Variants in EPHA5 observed in about 807,000 individuals in gnomAD.
The protein encoded by EPHA5 is EPH receptor A5.
EPHA5 carries 60 observed loss-of-function variants against 105.0 expected under a neutral mutation model. The ratio of observed to expected loss-of-function variants is 0.57; its 90% confidence interval spans 0.46 to 0.71. The LOEUF (loss-of-function observed/expected upper bound fraction) is 0.71, where lower values mean the gene tolerates loss of function less well. EPHA5 is among the 30% of genes least tolerant of loss of function. The pLI is 0.00. For synonymous variants in EPHA5, 513 were observed against 449.1 expected (o/e 1.14, Z -1.80); for missense variants, 1,218 against 1,274.7 (o/e 0.96, Z 0.68).
intron 8 of EPHA5, among the ~76,000 whole-genome samples, chr4:65,383,532 A>G (rs1719781832): frequency 6.6e-6 from 1 of 151,950 alleles, no homozygotes; most frequent in South Asian, 2.1e-4. Flanking sequence ...TATCTTTGGC[A>G]AGAACATTAT....
chr4:65,384,284 A>G (rs947672813), intron 8 of EPHA5, among the ~76,000 whole-genome samples: 3 of 152,070 alleles, frequency 2.0e-5, no homozygotes, highest in Middle Eastern at 3.4e-3. Context: ...TTCTGTGTTC[A>G]TTTAAGCAGA....
In EPHA5 at chr4:65,365,023, T is replaced by C; in HGVS notation, c.2167A>G (p.Thr723Ala). The C allele has an allele frequency of 1.9e-6, 3 of 1,610,388 alleles. No individual in the cohort carries two copies. The highest frequency in any genetic ancestry group is 2.5e-6 in the Non-Finnish European group (3 of 1,177,594). Residue 723 changes from threonine (T) to alanine (A), a missense_variant, in exon 11 of 17, where the codon ACC (threonine) becomes GCC (alanine). Around this residue, in one of 3 missense-constraint regions of EPHA5, gnomAD observed 971 missense variants for 1,013.5 expected, o/e 0.96. Transcript: ENST00000613740. ...AATTTGCCATCATACTTACTTTTGGTCACCACACCTTCTAAATGGATGATG... is the reference window on the plus strand; with the variant it reads ...AATTTGCCATCATACTTACTTTTGGCCACCACACCTTCTAAATGGATGATG... ...PNIIHLEGVV[T>A]KSKPVMIVTE...
chr4:65,564,839 G>C (rs182252558), intron 3 of EPHA5, among the ~76,000 whole-genome samples: 2 of 151,764 alleles, frequency 1.3e-5, no homozygotes, highest in East Asian at 3.9e-4. Context: ...TTACTTATCA[G>C]GGGCTTCTAT....
At chr4:65,484,481 C>G (rs1730685391) in intron 5 of EPHA5, among the ~76,000 whole-genome samples, 1 of 152,174 alleles carries the variant, frequency 6.6e-6, no homozygotes. Flanking sequence ...CAGCTTGGAA[C>G]ATGCCCTCCA....
chr4:65,666,535 T>C (rs547091129), intron 1 of EPHA5, among the ~76,000 whole-genome samples: 1 of 152,354 alleles, frequency 6.6e-6, no homozygotes, highest in South Asian at 2.1e-4. Context: ...ATTTAAATTT[T>C]CACTTGCAGA....
At position 65,365,894 on chromosome 4, in the gene EPHA5, A is replaced by G. The variant is rs763497779; in HGVS notation, c.1987+38T>C. 2.1e-5 allele frequency: 33 copies of G among 1,586,740 alleles called. No homozygotes were observed. The Middle Eastern group carries it at 5.0e-4, about 24-fold the overall frequency. On this transcript the variant is annotated intron_variant, in intron 10 of 16. Transcript: ENST00000613740. Reference sequence around the variant, plus strand: ...TGGTATATTACATTCTGGAATGCAAACAAAAGTTAAAAATGAAAGTCAAAC... The same window carrying G: ...TGGTATATTACATTCTGGAATGCAAGCAAAAGTTAAAAATGAAAGTCAAAC...
chr4:65,484,234 T>C (rs908066110), intron 5 of EPHA5, among the ~76,000 whole-genome samples: 3 of 152,182 alleles, frequency 2.0e-5, no homozygotes, highest in African/African-American at 7.2e-5. Flanking sequence ...TTCACCATAT[T>C]GTTCTAATGG....
intron 3 of EPHA5, among the ~76,000 whole-genome samples, chr4:65,521,333 T>C (rs1261644443): frequency 2.0e-5 from 3 of 151,844 alleles, no homozygotes; most frequent in Non-Finnish European, 2.9e-5. Flanking sequence ...ATGAGAACCC[T>C]TGGACACAGG....
intron 3 of EPHA5, among the ~76,000 whole-genome samples, chr4:65,515,591 A>C (rs1340203237): frequency 6.6e-6 from 1 of 152,076 alleles, no homozygotes; most frequent in Non-Finnish European, 1.5e-5. Flanking sequence ...TTTTGTGAAA[A>C]TTTATAGGAT....
intron 15 of EPHA5, among the ~76,000 whole-genome samples, chr4:65,334,753 G>A (rs1290415044): frequency 6.6e-6 from 1 of 151,836 alleles, no homozygotes; most frequent in Non-Finnish European, 1.5e-5. Flanking sequence ...ATTTTTAAAT[G>A]CTCTCAAGCT....
intron 8 of EPHA5, among the ~76,000 whole-genome samples, chr4:65,372,621 C>A (rs566369685): frequency 6.6e-6 from 1 of 151,774 alleles, no homozygotes; most frequent in Non-Finnish European, 1.5e-5. Context: ...TTTAGAAAAA[C>A]GTACTTCATT....
intron 3 of EPHA5, among the ~76,000 whole-genome samples, chr4:65,585,138 G>GTGTC (rs1553945722): frequency 1.3e-5 from 2 of 151,638 alleles, no homozygotes; most frequent in African/African-American, 4.8e-5. Context: ...GTGTGTGTGT[G>GTGTC]TGTGTGTCTG....
intron 3 of EPHA5, among the ~76,000 whole-genome samples, chr4:65,579,396 T>A (rs1741392107): frequency 6.8e-6 from 1 of 147,702 alleles, no homozygotes; most frequent in Non-Finnish European, 1.5e-5. Context: ...ATATAAAATA[T>A]TTATTCTAAA....
intron 14 of EPHA5, among the ~76,000 whole-genome samples, chr4:65,346,952 A>AG (rs1174699663): frequency 2.0e-5 from 3 of 152,198 alleles, no homozygotes; most frequent in Non-Finnish European, 4.4e-5. Flanking sequence ...TTCACACTGT[A>AG]GGTACCTACA....
intron 3 of EPHA5, among the ~76,000 whole-genome samples, chr4:65,599,317 A>G (rs1340752701): frequency 6.6e-6 from 1 of 150,706 alleles, no homozygotes; most frequent in Non-Finnish European, 1.5e-5. Flanking sequence ...GTTAAGATGT[A>G]AAATGAGCTA....
intron 5 of EPHA5, among the ~76,000 whole-genome samples, chr4:65,482,218 A>G (rs1730437393): frequency 6.8e-6 from 1 of 146,172 alleles, no homozygotes; most frequent in African/African-American, 2.4e-5. Flanking sequence ...GAAGTGCTTG[A>G]ACCCAGGAGG....
intron 3 of EPHA5, among the ~76,000 whole-genome samples, chr4:65,558,292 T>G (rs998606092): frequency 6.6e-6 from 1 of 152,184 alleles, no homozygotes; most frequent in African/African-American, 2.4e-5. Flanking sequence ...AGATCACACT[T>G]GCATCAAGTT....
At position 65,669,707 on chromosome 4, in the gene EPHA5, C is replaced by T. The variant is rs1560847089; in HGVS notation, c.36G>A (p.Arg12=). The T allele has an allele frequency of 1.5e-6, 2 of 1,291,422 alleles. No homozygotes were observed. The highest frequency in any genetic ancestry group is 2.0e-6 in the Non-Finnish European group (2 of 1,017,266). 80.0% of individuals were successfully genotyped at this position (1,291,422 alleles called of 1,614,324 possible). The change falls in exon 1 of 17, where the codon CGG becomes CGA. Residue 12 remains arginine, a synonymous_variant. Transcript: ENST00000613740. ...RGSGPRGAGR[R]RPPSGGGDTP... ...TGTCGCCGCCGCCGCTTGGGGGCCGCCGGCGTCCCGCACCCCGGGGCCCCG... is the reference window on the plus strand; with the variant it reads ...TGTCGCCGCCGCCGCTTGGGGGCCGTCGGCGTCCCGCACCCCGGGGCCCCG...
intron 4 of EPHA5, among the ~76,000 whole-genome samples, chr4:65,491,256 A>C (rs528149127): frequency 3.3e-4 from 50 of 151,930 alleles, no homozygotes; most frequent in African/African-American, 1.2e-3. Flanking sequence ...AGAATTTGAA[A>C]CCCCCTACTG....
Sources: allele counts gnomAD v4.1 joint callset (sites outside exome capture counted in the v4.1 genomes callset), GRCh38; gene constraint gnomAD v4.1.1; regional missense constraint gnomAD v4.1.1; transcripts MANE v1.5; gene names NCBI Gene and HGNC (gene_info 2026-07-23, HGNC 2026-07-21).